ZNRF3: variants seen among roughly 807,000 people sequenced by gnomAD.
The protein encoded by ZNRF3 is zinc and ring finger 3, also known as E3 ubiquitin-protein ligase ZNRF3.
Under a neutral mutation model 72.5 loss-of-function variants are expected in ZNRF3, and 23 were observed. The ratio of observed to expected loss-of-function variants is 0.32; its 90% CI spans 0.23 to 0.45. The LOEUF is 0.45. ZNRF3 is among the 20% of genes least tolerant of loss of function. The pLI, the probability that ZNRF3 is intolerant of heterozygous loss-of-function variation, is 1.00. For missense variants in ZNRF3, 1,169 were observed against 1,272.1 expected, an observed-to-expected ratio of 0.92 and a Z score of 1.23; for synonymous variants, 610 against 545.3, an observed-to-expected ratio of 1.12 and a Z score of -1.65.
chr22:28,960,089 T>G (rs930961062), intron 1 of ZNRF3, among the ~76,000 whole-genome samples: 5 of 152,348 alleles, frequency 3.3e-5, no homozygotes, highest in Admixed American at 1.3e-4. Context: ...GTTCTTGGCC[T>G]GTTTTCTTTG....
intron 2 of ZNRF3, among the ~76,000 whole-genome samples, chr22:29,003,692 T>C (rs922724524): frequency 2.0e-5 from 3 of 151,742 alleles, no homozygotes; most frequent in Non-Finnish European, 4.4e-5. Context: ...ATTAAAAAAT[T>C]AGCCAGATGT....
chr22:28,923,892 C>T lies in ZNRF3; in HGVS notation c.300+39826C>T, dbSNP rs554350910. Among the ~76,000 whole-genome samples the T allele has an allele frequency of 2.4e-4, 37 of 152,310 alleles. No homozygotes were observed. In the East Asian group the frequency reaches 4.2e-3, roughly 17 times the overall value. The stretch of plus-strand genomic sequence containing the variant: ...TAGAGGCTGGGTCTGGGGTGGAGCC[C>T]AAGTGGGGTGGGGGACCGAGCGGGC... On this transcript the variant is annotated intron_variant, in intron 1 of 8. Coordinates refer to ENST00000544604, the MANE Select transcript of ZNRF3 (RefSeq NM_001206998.2).
chr22:29,041,133 C>T (rs1466847862), intron 2 of ZNRF3, among the ~76,000 whole-genome samples: 1 of 152,162 alleles, frequency 6.6e-6, no homozygotes, highest in African/African-American at 2.4e-5. Flanking sequence ...AAAGCCAGGA[C>T]ATGCATGTAT....
At chr22:28,958,189 A>G (rs1419410846) in intron 1 of ZNRF3, among the ~76,000 whole-genome samples, 3 of 152,228 alleles carry the variant, frequency 2.0e-5, no homozygotes, top group African/African-American at 7.2e-5. Flanking sequence ...CTCCGTCTCA[A>G]AAGAAAAGCA....
chr22:28,949,365 C>G (rs566148485), intron 1 of ZNRF3, among the ~76,000 whole-genome samples: 13 of 152,344 alleles, frequency 8.5e-5, no homozygotes, highest in African/African-American at 2.9e-4. Flanking sequence ...GCCTCTACCT[C>G]CTAGACTCAA....
intron 1 of ZNRF3, among the ~76,000 whole-genome samples, chr22:28,947,061 T>A (rs989249600): frequency 6.6e-6 from 1 of 152,188 alleles, no homozygotes; most frequent in Admixed American, 6.5e-5. Context: ...GGCTCATCAT[T>A]TGGGAGAGAC....
At chr22:28,967,925 C>CA (rs371787941) in intron 1 of ZNRF3, among the ~76,000 whole-genome samples, 2,100 of 70,268 alleles carry the variant, frequency 0.03, 25 homozygotes, top group Middle Eastern at 0.073. Flanking sequence ...CACCGTGTCT[C>CA]AAAAAAAAAA....
At chr22:28,896,427 C>G (rs2034001745) in intron 1 of ZNRF3, among the ~76,000 whole-genome samples, 1 of 152,198 alleles carries the variant, frequency 6.6e-6, no homozygotes, top group Admixed American at 6.5e-5. Flanking sequence ...GCCACCACGC[C>G]TGGCCCCTAT....
chr22:28,951,732 C>T (rs2035163690), intron 1 of ZNRF3, among the ~76,000 whole-genome samples: 1 of 152,212 alleles, frequency 6.6e-6, no homozygotes, highest in African/African-American at 2.4e-5. Flanking sequence ...CTACAGGTCA[C>T]ACCACGGCTG....
chr22:28,898,616 T>G lies in ZNRF3; in HGVS notation c.300+14550T>G, dbSNP rs540241236. ...GGCGTAGTAGAAGTTCTATGTAGCT[T>G]CAGAATGACCCATCAGAAACAAATG... is the stretch of plus-strand genomic sequence containing the variant. On this transcript the variant is annotated intron_variant, in intron 1 of 8. Coordinates refer to ENST00000544604, the MANE Select transcript of ZNRF3 (RefSeq NM_001206998.2). Among the ~76,000 whole-genome samples, 14 of 152,384 alleles carry G rather than the reference T, an allele frequency of 9.2e-5. No individual in the cohort carries two copies. In the East Asian group the frequency reaches 2.7e-3, roughly 29 times the overall value.
Position 29,050,205 on chromosome 22 carries a change from A to G in ZNRF3, c.2024A>G (p.His675Arg). 6.2e-7 allele frequency: 1 copy of G among 1,600,764 alleles called. No individual in the cohort carries two copies. ...TACAGCAGCAACTCCTCCCTGGAGC[A>G]CAGGGGGCCCAATAGCTCTACCTCA... is the stretch of plus-strand genomic sequence containing the variant. ...MNYSSNSSLE[H>R]RGPNSSTSEV... is the part of the protein sequence containing the mutation. The change falls in exon 8 of 9, where the codon CAC becomes CGC. Residue 675 changes from histidine to arginine, a missense_variant. Physicochemically the swap from His to Arg is conservative, Grantham distance 29. This residue lies in a region of ZNRF3 where 783 missense variants were observed against 731.4 expected (regional missense o/e 1.07). Coordinates refer to ENST00000544604, the MANE Select transcript of ZNRF3 (RefSeq NM_001206998.2).
intron 2 of ZNRF3, among the ~76,000 whole-genome samples, chr22:29,033,750 A>T (rs907184191): frequency 1.3e-5 from 2 of 152,150 alleles, no homozygotes; most frequent in African/African-American, 4.8e-5. Context: ...ACTTTGCCCC[A>T]TGGGTGGAGG....
In ZNRF3 at chr22:28,942,245, G is replaced by A. The variant is rs2034961656; in HGVS notation, c.301-44831G>A. ...AAGCTATGTGATGTGACGCGATGCC[G>A]ATGCAGAGAGCCTGGATGAGGCTGC... On this transcript the variant is annotated intron_variant, in intron 1 of 8. Transcript: ENST00000544604. Among the ~76,000 whole-genome samples the A allele has an allele frequency of 4.6e-5, 7 of 152,236 alleles. No homozygotes were observed. The South Asian group carries it at 1.2e-3, about 27-fold the overall frequency.
At chr22:28,979,184 GCCATCGT>G (rs1271552530) in intron 1 of ZNRF3, among the ~76,000 whole-genome samples, 1 of 152,202 alleles carries the variant, frequency 6.6e-6, no homozygotes, top group African/African-American at 2.4e-5. Context: ...TGGTTGCAAA[GCCATCGT>G]CCTGGGATTT....
chr22:29,039,356 G>A (rs1444584887), intron 2 of ZNRF3, among the ~76,000 whole-genome samples: 1 of 152,174 alleles, frequency 6.6e-6, no homozygotes, highest in African/African-American at 2.4e-5. Flanking sequence ...AGGTGCACCT[G>A]CATCAAAGCG....
intron 1 of ZNRF3, among the ~76,000 whole-genome samples, chr22:28,939,294 A>C (rs904078770): frequency 1.3e-5 from 2 of 151,682 alleles, no homozygotes; most frequent in African/African-American, 4.8e-5. Flanking sequence ...AAAAAAAAAA[A>C]AAAAACAAAA....
At chr22:29,044,740 G>A (rs2037030671) in intron 4 of ZNRF3, 40 bp from the exon 5 acceptor site, 1 of 1,430,152 alleles carries the variant, frequency 7.0e-7, no homozygotes, top group Non-Finnish European at 9.9e-7. Flanking sequence ...TACCAGGCTG[G>A]AGAGAGGCTG....
At chr22:28,987,284 T>C in intron 2 of ZNRF3, 83 bp downstream of exon 2, 1 of 1,541,864 alleles carries the variant, frequency 6.5e-7, no homozygotes, top group Non-Finnish European at 8.7e-7. Flanking sequence ...AATAGTTGAT[T>C]ATGGAGAAGA....
chr22:28,956,197 A>C (rs1262989024), intron 1 of ZNRF3, among the ~76,000 whole-genome samples: 1 of 151,952 alleles, frequency 6.6e-6, no homozygotes, highest in African/African-American at 2.4e-5. Flanking sequence ...TAGGCTAGTA[A>C]TGTGATGTGT....
Sources: allele counts gnomAD v4.1 joint callset (sites outside exome capture counted in the v4.1 genomes callset), GRCh38; gene constraint gnomAD v4.1.1; regional missense constraint gnomAD v4.1.1; transcripts MANE v1.5; gene names NCBI Gene and HGNC (gene_info 2026-07-23, HGNC 2026-07-21).